The following TNIP3 variants were observed in gnomAD, a reference collection of about 807,000 sequenced individuals.
The protein encoded by TNIP3 is TNFAIP3-interacting protein 3.
Under a neutral mutation model 54.1 loss-of-function variants are expected in TNIP3, and 34 were observed. That is an observed-to-expected ratio of 0.63 (90% CI 0.48 to 0.84). TNIP3 has a LOEUF of 0.84. Among genes scored for constraint, TNIP3 ranks in the 40% least tolerant of loss-of-function variants. The probability of loss-of-function intolerance (pLI) is 0.00; values close to 1 mark genes in which losing one functional copy is unlikely to be tolerated. For missense variants in TNIP3, 366 were observed against 387.6 expected, an observed-to-expected ratio of 0.94 and a Z score of 0.47; for synonymous variants, 134 against 136.8, an observed-to-expected ratio of 0.98 and a Z score of 0.14.
chr4:121,216,485 G>A (rs1726798523), exon 2 of TNIP3: 1 of 1,535,436 alleles, frequency 6.5e-7, no homozygotes, highest in Admixed American at 2.0e-5. Context: ...TTGTTCATGA[G>A]CCATCCACAT....
intron 3 of TNIP3, among the ~76,000 whole-genome samples, chr4:121,173,341 G>C (rs138499208): frequency 0.022 from 3,339 of 152,204 alleles, 81 homozygotes; most frequent in Admixed American, 0.036. Flanking sequence ...TCCCACCATG[G>C]CATGCCTAGA....
chr4:121,209,065 C>A (rs1726335328), intron 2 of TNIP3, among the ~76,000 whole-genome samples: 1 of 152,196 alleles, frequency 6.6e-6, no homozygotes, highest in African/African-American at 2.4e-5. Flanking sequence ...GATATAAATA[C>A]TCTTGAGCAA....
intron 2 of TNIP3, among the ~76,000 whole-genome samples, chr4:121,212,945 C>G (rs982113601): frequency 6.6e-6 from 1 of 152,238 alleles, no homozygotes; most frequent in East Asian, 1.9e-4. Flanking sequence ...GCCTGTCACT[C>G]CATAAACATT....
rs146209465 is a variant in TNIP3, at chr4:121,154,667, G to A, written c.376C>T (p.Arg126Cys). 69 of 1,606,996 alleles carry A rather than the reference G, an allele frequency of 4.3e-5. No homozygotes were observed. The African/African-American group carries it at 5.8e-4, about 13-fold the overall frequency. The change falls in exon 5 of 11, where the codon CGC becomes TGC. Residue 126 changes from arginine (R) to cysteine (C), a missense_variant. Coordinates refer to ENST00000057513, the MANE Select transcript of TNIP3 (RefSeq NM_024873.6). ...AATTCATGTAATTCTTCATTTAGGC[G>A]TTCCTTTTCCTTCTGAAGTTAAGAC... ...RLQREEKEKE[R>C]LNEELHELKE...
chr4:121,140,010 A>G (rs763210570), intron 9 of TNIP3, among the ~76,000 whole-genome samples: 2 of 152,234 alleles, frequency 1.3e-5, no homozygotes, highest in Non-Finnish European at 2.9e-5. Flanking sequence ...TGTTATGCTG[A>G]GATTTTTTTC....
intron 2 of TNIP3, among the ~76,000 whole-genome samples, chr4:121,199,441 C>A (rs1400149498): frequency 6.6e-6 from 1 of 152,094 alleles, no homozygotes; most frequent in Non-Finnish European, 1.5e-5. Context: ...TCCTTTCTGG[C>A]AGAGGTAGAT....
At chr4:121,221,630 G>A (rs557377704) in intron 1 of TNIP3, among the ~76,000 whole-genome samples, 4 of 152,282 alleles carry the variant, frequency 2.6e-5, no homozygotes, top group African/African-American at 9.6e-5. Context: ...GAAATTGGAG[G>A]AGAGGAAAAT....
chr4:121,150,954 A>G (rs1729713537), intron 5 of TNIP3, among the ~76,000 whole-genome samples: 1 of 152,176 alleles, frequency 6.6e-6, no homozygotes, highest in Non-Finnish European at 1.5e-5. Flanking sequence ...TGACATGAGG[A>G]GAGGAAAGAA....
At chr4:121,169,532 G>A (rs1235142277) in intron 3 of TNIP3, among the ~76,000 whole-genome samples, 1 of 152,078 alleles carries the variant, frequency 6.6e-6, no homozygotes, top group East Asian at 1.9e-4. Flanking sequence ...ACTTTTGTGT[G>A]TTGTGTTCAC....
At chr4:121,182,505 A>T (rs1724771002) in intron 3 of TNIP3, among the ~76,000 whole-genome samples, 1 of 152,224 alleles carries the variant, frequency 6.6e-6, no homozygotes, top group African/African-American at 2.4e-5. Context: ...CTTTAGTAAC[A>T]GGAAGTGGCT....
chr4:121,209,603 T>G (rs2148846196), intron 2 of TNIP3, among the ~76,000 whole-genome samples: 1 of 152,318 alleles, frequency 6.6e-6, no homozygotes, highest in South Asian at 2.1e-4. Context: ...AGGAAATAAT[T>G]AGGCTCCAGA....
At chr4:121,161,254 T>C (rs1730435338) in intron 1 of TNIP3, 38 bp from the exon 2 acceptor site, 7 of 1,515,026 alleles carry the variant, frequency 4.6e-6, no homozygotes, top group Non-Finnish European at 6.2e-6. Flanking sequence ...GAAACAAAGC[T>C]GTTTACAAAA....
chr4:121,175,342 T>C (rs549051656), intron 3 of TNIP3, among the ~76,000 whole-genome samples: 28 of 152,324 alleles, frequency 1.8e-4, no homozygotes, highest in African/African-American at 6.7e-4. Flanking sequence ...CCTCAAGTTC[T>C]TTTTCTTCTC....
Position 121,144,687 on chromosome 4 carries a change from T to G in TNIP3, c.736-1911A>C, listed in dbSNP as rs1579379746. On this transcript the variant is annotated intron_variant, in intron 7 of 10. Transcript: ENST00000057513. ...AAAGTGCTGGGATTACAGGCATGAG[T>G]CACCGCACCCGGCCTGTTTTTGCTT... Among the ~76,000 whole-genome samples the G allele has an allele frequency of 2.6e-5, 4 of 152,154 alleles. No homozygotes were observed. In the South Asian group the frequency reaches 6.2e-4, roughly 24 times the overall value.
chr4:121,207,565 A>C (rs150335879), intron 2 of TNIP3, among the ~76,000 whole-genome samples: 12 of 152,364 alleles, frequency 7.9e-5, no homozygotes, highest in African/African-American at 2.2e-4. Context: ...GACTTAAGAT[A>C]TTAGTTAATA....
At chr4:121,136,504 G>A (rs1728794383) in intron 10 of TNIP3, 1 of 152,046 alleles carries the variant, frequency 6.6e-6, no homozygotes, top group African/African-American at 2.4e-5. Flanking sequence ...GTTAAATAGT[G>A]CAAAACAAAA....
At chr4:121,142,899 G>T in intron 7 of TNIP3, 123 bp from the exon 8 acceptor site, 2 of 754,112 alleles carry the variant, frequency 2.7e-6, no homozygotes, top group East Asian at 2.7e-5. Context: ...ATAGCCACAA[G>T]TTGGTTTTTG....
At chr4:121,222,738 A>C (rs546948725) in intron 1 of TNIP3, among the ~76,000 whole-genome samples, 98 of 149,854 alleles carry the variant, frequency 6.5e-4, no homozygotes, top group African/African-American at 2.2e-3. Flanking sequence ...ACATGTTATT[A>C]GTTATTAATT....
chr4:121,158,664 A>G, intron 3 of TNIP3, 23 bp downstream of exon 3: 1 of 1,584,906 alleles, frequency 6.3e-7, no homozygotes, highest in Non-Finnish European at 8.7e-7. Flanking sequence ...TAAAGAAAAT[A>G]CCGAATAGAG....
Sources: allele counts gnomAD v4.1 joint callset (sites outside exome capture counted in the v4.1 genomes callset), GRCh38; gene constraint gnomAD v4.1.1; transcripts MANE v1.5; gene names NCBI Gene and HGNC (gene_info 2026-07-23, HGNC 2026-07-21).